The following ZNF721 variants were observed in gnomAD, a reference collection of about 807,000 sequenced individuals.
ZNF721 encodes the protein zinc finger protein 721.
In ZNF721, 2 loss-of-function variants were observed where a neutral mutation model predicts 2.4. The observed-to-expected ratio is 0.82, with a 90% CI of 0.34 to 2.58. The LOEUF (loss-of-function observed/expected upper bound fraction) is 2.58, where lower values mean the gene tolerates loss of function less well. ZNF721 is among the 30% of genes most tolerant of loss of function. The pLI is 0.11. For missense variants in ZNF721, 1,187 were observed against 1,085.5 expected (o/e 1.09, Z -1.31); for synonymous variants, 398 against 381.8 (o/e 1.04, Z -0.50).
intron 2 of ZNF721, among the ~76,000 whole-genome samples, chr4:444,751 T>G (rs1181688242): frequency 2.0e-5 from 3 of 152,122 alleles, no homozygotes; most frequent in Non-Finnish European, 2.9e-5. Context: ...AGAAGAAAGC[T>G]CTCAACTCCT....
intron 1 of ZNF721, among the ~76,000 whole-genome samples, chr4:481,575 C>CT (rs77613258): frequency 0.01 from 1,477 of 142,816 alleles, 20 homozygotes; most frequent in African/African-American, 0.032. Context: ...TCTTTTCTTT[C>CT]TTTTTTTTTT....
At position 441,188 on chromosome 4, in the gene ZNF721, T is replaced by A. The variant is rs1714221335; in HGVS notation, c.*507A>T. 6.4e-6 allele frequency: 1 copy of A among 155,804 alleles called. No individual in the cohort carries two copies. The allele number at this position is 155,804 out of a possible 1,614,324, so 9.7% of individuals were successfully genotyped here. ...CTCTGTCTTAAGACTATTCTTCACT[T>A]TAATGGCCTATATTTTCTAAAAGGT... On this transcript the variant is annotated 3_prime_UTR_variant, in exon 3 of 3. Transcript: ENST00000511833.
At chr4:477,342 A>C (rs1715657026) in intron 1 of ZNF721, among the ~76,000 whole-genome samples, 1 of 129,636 alleles carries the variant, frequency 7.7e-6, no homozygotes, top group South Asian at 2.3e-4. Flanking sequence ...GGTTCATGCC[A>C]TTCTCCTGCC....
intron 1 of ZNF721, among the ~76,000 whole-genome samples, chr4:495,222 T>C (rs573094985): frequency 6.7e-6 from 1 of 149,958 alleles, no homozygotes; most frequent in South Asian, 2.1e-4. Context: ...GTGTCTAAAC[T>C]ACATACTTCC....
At chr4:493,536 G>T (rs1553871796) in intron 1 of ZNF721, among the ~76,000 whole-genome samples, 1 of 152,070 alleles carries the variant, frequency 6.6e-6, no homozygotes, top group African/African-American at 2.4e-5. Flanking sequence ...AAAATTAGTG[G>T]GGCATGGTGG....
At chr4:489,484 C>T (rs1715972323) in intron 1 of ZNF721, among the ~76,000 whole-genome samples, 1 of 152,236 alleles carries the variant, frequency 6.6e-6, no homozygotes, top group Non-Finnish European at 1.5e-5. Flanking sequence ...GACCACCACA[C>T]CGGCACCAAA....
chr4:472,687 G>A lies in ZNF721; in HGVS notation c.-79C>T, dbSNP rs1553867939. 6.2e-7 allele frequency: 1 copy of A among 1,612,506 alleles called. No individual in the cohort carries two copies. On this transcript the variant is annotated 5_prime_UTR_variant, in exon 2 of 3. Coordinates refer to ENST00000511833, the MANE Select transcript of ZNF721 (RefSeq NM_133474.4). ...GAGAGAATTCTATGGCCACATCCCT[G>A]AATGTTAAGGGTTCCTGAAAATACA...
chr4:493,853 A>T (rs1387452907), intron 1 of ZNF721, among the ~76,000 whole-genome samples: 4 of 152,230 alleles, frequency 2.6e-5, no homozygotes, highest in Non-Finnish European at 5.9e-5. Flanking sequence ...CCAAATTTTG[A>T]CAACTTATAG....
In ZNF721 at chr4:462,043, A is replaced by G. The variant is rs1027651832; in HGVS notation, c.34+10532T>C. 8.5e-5 allele frequency among the ~76,000 whole-genome samples: 13 copies of G among 152,210 alleles called. 1 individual carries two copies. Among genetic ancestry groups the G allele is most frequent in the Admixed American group, 7.9e-4 (12 of 15,276 alleles). ...CAGCCCAAAATCTCCTTAAGCTGAT[A>G]TGCAACTTCAGCAGTCTCAGGATAC... On this transcript the variant is annotated intron_variant, in intron 2 of 2. Coordinates refer to ENST00000511833, the MANE Select transcript of ZNF721 (RefSeq NM_133474.4).
At chr4:480,826 G>T (rs1434654944) in intron 1 of ZNF721, among the ~76,000 whole-genome samples, 2 of 143,388 alleles carry the variant, frequency 1.4e-5, no homozygotes. Context: ...CCTTTTGTGG[G>T]GGGGGGGGGA....
intron 1 of ZNF721, among the ~76,000 whole-genome samples, chr4:482,207 T>C (rs1325411782): frequency 6.6e-6 from 1 of 152,194 alleles, no homozygotes; most frequent in Non-Finnish European, 1.5e-5. Flanking sequence ...CTTGCTGCCC[T>C]GGCTGGAGTG....
chr4:462,513 C>A (rs7677447), intron 2 of ZNF721, among the ~76,000 whole-genome samples: 1 of 152,076 alleles, frequency 6.6e-6, no homozygotes, highest in East Asian at 1.9e-4. Flanking sequence ...TACTACAAGG[C>A]TACAGGAACC....
At chr4:463,171 G>A (rs1427117776) in intron 2 of ZNF721, among the ~76,000 whole-genome samples, 1 of 152,178 alleles carries the variant, frequency 6.6e-6, no homozygotes, top group Non-Finnish European at 1.5e-5. Context: ...ATCGTCACTG[G>A]TCGTTAGAGA....
rs145798669 is a variant in ZNF721 at position 464,384 on chromosome 4, G to A, written c.34+8191C>T. Among the ~76,000 whole-genome samples the A allele has an allele frequency of 2.2e-3, 328 of 149,044 alleles. 2 individuals carry two copies. The highest frequency in any genetic ancestry group is 7.6e-3 in the African/African-American group (306 of 40,372). On this transcript the variant is annotated intron_variant, in intron 2 of 2. Transcript: ENST00000511833. Reference sequence around the variant, plus strand: ...ACTTGGGGGCTGAGGCAGGAGAATCGCTTGAACTTGGGAGGCAGAGATTGC... The same window carrying A: ...ACTTGGGGGCTGAGGCAGGAGAATCACTTGAACTTGGGAGGCAGAGATTGC...
chr4:477,480 C>A (rs748032431), intron 1 of ZNF721, among the ~76,000 whole-genome samples: 2 of 151,934 alleles, frequency 1.3e-5, no homozygotes, highest in African/African-American at 4.8e-5. Context: ...CCTCGTGATC[C>A]GCCTGCCTCG....
At chr4:468,129 C>A (rs536494878) in intron 2 of ZNF721, among the ~76,000 whole-genome samples, 2 of 152,054 alleles carry the variant, frequency 1.3e-5, no homozygotes, top group Admixed American at 1.3e-4. Context: ...TAGCCTGGCA[C>A]GGTGACGGGC....
In ZNF721 at chr4:441,509, T is replaced by A; in HGVS notation, c.*186A>T. On this transcript the variant is annotated 3_prime_UTR_variant, in exon 3 of 3. Transcript: ENST00000511833. ...ATGTCTACAACAGATTGAGGTGTGA[T>A]TAAAAGCCTTCTCACATTTTTCACA... 1 of 579,304 alleles carries A rather than the reference T, an allele frequency of 1.7e-6. No homozygotes were observed. The allele number at this position is 579,304 out of a possible 1,614,324, so 35.9% of individuals were successfully genotyped here.
intron 1 of ZNF721, among the ~76,000 whole-genome samples, chr4:492,188 C>CA (rs147001254): frequency 3.1e-4 from 46 of 146,136 alleles, no homozygotes; most frequent in East Asian, 3.0e-3. Flanking sequence ...AACAAACAAA[C>CA]AAAAAAAAAA....
chr4:468,534 A>G (rs1020008178), intron 2 of ZNF721, among the ~76,000 whole-genome samples: 14 of 152,148 alleles, frequency 9.2e-5, no homozygotes, highest in African/African-American at 3.4e-4. Context: ...TCAAAACCCA[A>G]TCCTACTGCC....
Sources: gnomAD v4.1 joint callset for allele counts (sites outside exome capture counted in the v4.1 genomes callset) on GRCh38, gnomAD v4.1.1 for gene constraint, MANE v1.5 for transcripts, NCBI Gene and HGNC (gene_info 2026-07-23, HGNC 2026-07-21) for gene names.